The following LRRIQ3 variants were observed in gnomAD, a reference collection of about 807,000 sequenced individuals.
The protein encoded by LRRIQ3 is leucine-rich repeat and IQ domain-containing protein 3.
In LRRIQ3, 75 loss-of-function variants were observed where a neutral mutation model predicts 59.3. The observed-to-expected ratio is 1.26, with a 90% CI of 1.05 to 1.53. LRRIQ3 has a LOEUF of 1.53. Ranked by LOEUF, LRRIQ3 falls within the 40% of genes most tolerant of loss-of-function variation. The pLI is 0.00. For missense variants in LRRIQ3, 831 were observed against 710.0 expected, an observed-to-expected ratio of 1.17 and a Z score of -1.94; for synonymous variants, 250 against 231.3, an observed-to-expected ratio of 1.08 and a Z score of -0.73.
intron 3 of LRRIQ3, among the ~76,000 whole-genome samples, chr1:74,173,099 A>AG (rs1031691805): frequency 8.5e-5 from 13 of 152,048 alleles, no homozygotes; most frequent in Non-Finnish European, 1.3e-4. Flanking sequence ...CAAGAGATTG[A>AG]GACCATCCTG....
At chr1:74,122,073 A>G (rs1224451379) in intron 4 of LRRIQ3, among the ~76,000 whole-genome samples, 1 of 152,008 alleles carries the variant, frequency 6.6e-6, no homozygotes, top group African/African-American at 2.4e-5. Flanking sequence ...TAGCAGCATG[A>G]TTTATAATCC....
chr1:74,121,114 A>AAATAAATTAAAAAAAAATAAT (rs1257992245), intron 4 of LRRIQ3, among the ~76,000 whole-genome samples: 2 of 152,170 alleles, frequency 1.3e-5, no homozygotes, highest in African/African-American at 4.8e-5. Context: ...AGTCTTGTTC[A>AAATAAATTAAAAAAAAATAAT]TTAAAGATTA....
intron 4 of LRRIQ3, among the ~76,000 whole-genome samples, chr1:74,133,342 C>T (rs1212189250): frequency 1.3e-5 from 2 of 152,064 alleles, no homozygotes; most frequent in Admixed American, 6.6e-5. Context: ...TACCATTTGA[C>T]CCAGCCATCC....
At chr1:74,028,671 G>A (rs966133511) in intron 7 of LRRIQ3, among the ~76,000 whole-genome samples, 1 of 151,560 alleles carries the variant, frequency 6.6e-6, no homozygotes, top group Non-Finnish European at 1.5e-5. Flanking sequence ...ATGTATTGTT[G>A]GTGTGATTTT....
At chr1:74,140,698 A>T (rs919439516) in intron 4 of LRRIQ3, among the ~76,000 whole-genome samples, 1 of 151,858 alleles carries the variant, frequency 6.6e-6, no homozygotes, top group Admixed American at 6.6e-5. Context: ...CATATAGGAC[A>T]GGATTTCCTA....
intron 1 of LRRIQ3, among the ~76,000 whole-genome samples, chr1:74,195,215 G>A (rs1190285747): frequency 6.6e-6 from 1 of 152,174 alleles, no homozygotes; most frequent in South Asian, 2.1e-4. Context: ...TTTTGCTTTC[G>A]TTGCATGTCA....
At chr1:74,165,657 C>A (rs1052428109) in intron 3 of LRRIQ3, among the ~76,000 whole-genome samples, 4 of 151,484 alleles carry the variant, frequency 2.6e-5, no homozygotes, top group Admixed American at 2.0e-4. Context: ...ATGCTTTATT[C>A]CCAATAATGT....
intron 4 of LRRIQ3, among the ~76,000 whole-genome samples, chr1:74,134,084 T>C (rs1280346044): frequency 6.6e-6 from 1 of 151,948 alleles, no homozygotes; most frequent in Non-Finnish European, 1.5e-5. Flanking sequence ...GGAGTAAGAG[T>C]ATCTGATCTT....
At chr1:74,056,449 G>A (rs199898059) in intron 6 of LRRIQ3, among the ~76,000 whole-genome samples, 1 of 151,886 alleles carries the variant, frequency 6.6e-6, no homozygotes, top group East Asian at 1.9e-4. Context: ...CAGATGACAT[G>A]ATCATACATA....
At chr1:74,127,624 T>C (rs7545587) in intron 4 of LRRIQ3, among the ~76,000 whole-genome samples, 151,562 of 151,960 alleles carry the variant, frequency 1, 75,584 homozygotes, top group Middle Eastern at 1. Flanking sequence ...ACTTCATCCT[T>C]CTGCTTTTTA....
chr1:74,082,376 T>C (rs560859887), intron 5 of LRRIQ3: 4 of 151,638 alleles, frequency 2.6e-5, no homozygotes, highest in African/African-American at 7.2e-5. Flanking sequence ...GACATACGTA[T>C]ATGAGTAATA....
At chr1:74,069,598 CA>C (rs1254061310) in intron 6 of LRRIQ3, among the ~76,000 whole-genome samples, 1 of 151,848 alleles carries the variant, frequency 6.6e-6, no homozygotes, top group Non-Finnish European at 1.5e-5. Context: ...ATTAATAAAA[CA>C]AGAATTTTGG....
chr1:74,130,765 C>G (rs2100609011), intron 4 of LRRIQ3, among the ~76,000 whole-genome samples: 1 of 152,040 alleles, frequency 6.6e-6, no homozygotes, highest in African/African-American at 2.4e-5. Flanking sequence ...TCTAAAGGCC[C>G]ACAAGAGAAA....
intron 5 of LRRIQ3, among the ~76,000 whole-genome samples, chr1:74,090,958 G>A (rs1646388480): frequency 6.6e-6 from 1 of 151,972 alleles, no homozygotes; most frequent in Admixed American, 6.6e-5. Context: ...TGAAAATTAG[G>A]AAAGAGCTAC....
intron 6 of LRRIQ3, among the ~76,000 whole-genome samples, chr1:74,072,362 G>A (rs186195895): frequency 1.3e-3 from 196 of 152,068 alleles, no homozygotes; most frequent in African/African-American, 4.6e-3. Flanking sequence ...AATTTTAGAG[G>A]TAGTATAAAA....
chr1:74,189,864 G>A (rs892168545), intron 1 of LRRIQ3, among the ~76,000 whole-genome samples: 2 of 151,964 alleles, frequency 1.3e-5, no homozygotes, highest in Admixed American at 6.6e-5. Flanking sequence ...TAAATTACCC[G>A]GTGTTGAGTG....
At chr1:74,129,930 C>A (rs1646987873) in intron 4 of LRRIQ3, among the ~76,000 whole-genome samples, 2 of 151,962 alleles carry the variant, frequency 1.3e-5, no homozygotes, top group African/African-American at 4.8e-5. Context: ...CTCATGCCCA[C>A]TTCTACTGTG....
At chr1:74,058,003 A>G (rs1654588425) in intron 6 of LRRIQ3, among the ~76,000 whole-genome samples, 1 of 151,394 alleles carries the variant, frequency 6.6e-6, no homozygotes, top group Non-Finnish European at 1.5e-5. Context: ...GGAAAATGCA[A>G]ATCAAAACAG....
At chr1:74,097,574 G>A (rs561316677) in intron 5 of LRRIQ3, among the ~76,000 whole-genome samples, 14 of 152,142 alleles carry the variant, frequency 9.2e-5, no homozygotes, top group African/African-American at 2.4e-4. Flanking sequence ...GATACTCCTC[G>A]AGAAGAGCAA....
Sources: gnomAD v4.1 joint callset for allele counts (sites outside exome capture counted in the v4.1 genomes callset) on GRCh38, gnomAD v4.1.1 for gene constraint, MANE v1.5 for transcripts, NCBI Gene and HGNC (gene_info 2026-07-23, HGNC 2026-07-21) for gene names.